Variants in LPP observed in about 807,000 individuals in gnomAD.
LPP encodes the protein lipoma-preferred partner.
LPP carries 38 observed loss-of-function variants against 60.4 expected under a neutral mutation model. That is an observed-to-expected ratio of 0.63 (90% CI 0.49 to 0.83). The LOEUF (loss-of-function observed/expected upper bound fraction) is 0.83. LPP is among the 40% of genes least tolerant of loss of function. The pLI is 0.00. For missense variants in LPP, 902 were observed against 783.6 expected (o/e 1.15, Z -1.80); for synonymous variants, 328 against 290.8 (o/e 1.13, Z -1.30).
chr3:188,855,136 TTAA>T (rs1427302800), intron 9 of LPP, among the ~76,000 whole-genome samples: 3 of 152,250 alleles, frequency 2.0e-5, no homozygotes, highest in African/African-American at 7.2e-5. Context: ...TGTTGTGTGA[TTAA>T]CTTCAGATCA....
intron 7 of LPP, among the ~76,000 whole-genome samples, chr3:188,684,536 C>A (rs906370543): frequency 1.3e-5 from 2 of 152,060 alleles, no homozygotes; most frequent in African/African-American, 4.8e-5. Context: ...AGCTAAAAAC[C>A]ACTTGGGAGA....
At chr3:188,538,460 T>C (rs1824241193) in intron 6 of LPP, among the ~76,000 whole-genome samples, 1 of 152,160 alleles carries the variant, frequency 6.6e-6, no homozygotes, top group African/African-American at 2.4e-5. Flanking sequence ...TATTTATTGA[T>C]CAAGGAAATG....
chr3:188,202,324 T>A (rs1731304338), intron 1 of LPP, among the ~76,000 whole-genome samples: 1 of 152,150 alleles, frequency 6.6e-6, no homozygotes, highest in Non-Finnish European at 1.5e-5. Context: ...GCATTTGGAC[T>A]TTTAGAGAAT....
intron 3 of LPP, among the ~76,000 whole-genome samples, chr3:188,345,921 A>G (rs961072124): frequency 2.7e-4 from 41 of 152,262 alleles, no homozygotes; most frequent in African/African-American, 9.4e-4. Context: ...TTAATTTGCT[A>G]TGAGTTTAGT....
chr3:188,422,520 T>A (rs1248502419), intron 4 of LPP, among the ~76,000 whole-genome samples: 1 of 152,130 alleles, frequency 6.6e-6, no homozygotes, highest in East Asian at 1.9e-4. Flanking sequence ...AAAATCCCAG[T>A]GAAGTTTGCA....
intron 2 of LPP, among the ~76,000 whole-genome samples, chr3:188,304,519 C>T (rs1750899473): frequency 6.6e-6 from 1 of 152,154 alleles, no homozygotes; most frequent in Admixed American, 6.6e-5. Context: ...CCCTTTAAAT[C>T]TCACAGCTTT....
intron 6 of LPP, among the ~76,000 whole-genome samples, chr3:188,569,298 G>A (rs1832954877): frequency 6.6e-6 from 1 of 151,862 alleles, no homozygotes; most frequent in Admixed American, 6.6e-5. Context: ...AGTCTGGGGG[G>A]AAGACAGGAG....
intron 7 of LPP, among the ~76,000 whole-genome samples, chr3:188,685,026 C>A (rs979858834): frequency 5.3e-5 from 8 of 152,166 alleles, no homozygotes; most frequent in African/African-American, 1.9e-4. Flanking sequence ...TTTCTTAACC[C>A]ATGTCATTGT....
chr3:188,885,466 A>G lies in LPP; in HGVS notation c.*10987A>G, dbSNP rs1770548949. On this transcript the variant is annotated 3_prime_UTR_variant, in exon 12 of 12. Transcript: ENST00000617246. Reference sequence around the variant, plus strand: ...AGAGTGGTGGCTTTGGTTGAGATGCACGTTCACAGACTAGAAAAGTGCCTC... The same window carrying G: ...AGAGTGGTGGCTTTGGTTGAGATGCGCGTTCACAGACTAGAAAAGTGCCTC... 1 of 186,590 alleles carries G rather than the reference A, an allele frequency of 5.4e-6. No individual in the cohort carries two copies. Among genetic ancestry groups the G allele is most frequent in the Non-Finnish European group, 1.1e-5 (1 of 88,174 alleles). The allele number at this position is 186,590 out of a possible 1,614,324, so 11.6% of individuals were successfully genotyped here.
At chr3:188,295,742 C>G (rs916489633) in intron 2 of LPP, among the ~76,000 whole-genome samples, 4 of 152,130 alleles carry the variant, frequency 2.6e-5, no homozygotes, top group Non-Finnish European at 4.4e-5. Flanking sequence ...CTATGTCGCC[C>G]AGCTTGGTGT....
intron 9 of LPP, among the ~76,000 whole-genome samples, chr3:188,775,916 T>G (rs531574218): frequency 2.8e-4 from 43 of 152,372 alleles, no homozygotes; most frequent in South Asian, 2.3e-3. Flanking sequence ...AGGAGAAGAT[T>G]GTCTCCACTT....
At chr3:188,820,726 AGTG>A (rs1477970955) in intron 9 of LPP, among the ~76,000 whole-genome samples, 2 of 152,210 alleles carry the variant, frequency 1.3e-5, no homozygotes, top group Non-Finnish European at 2.9e-5. Flanking sequence ...TTTCATTTTT[AGTG>A]TTCTTAAATA....
intron 7 of LPP, among the ~76,000 whole-genome samples, chr3:188,690,391 AT>A (rs1462782782): frequency 4.6e-5 from 7 of 152,192 alleles, no homozygotes; most frequent in African/African-American, 1.7e-4. Flanking sequence ...AGCAGAAAGT[AT>A]TTGTTGAAGC....
intron 9 of LPP, among the ~76,000 whole-genome samples, chr3:188,845,954 A>C (rs1761280410): frequency 6.6e-6 from 1 of 152,212 alleles, no homozygotes; most frequent in African/African-American, 2.4e-5. Context: ...TTCCCCTGTG[A>C]TGTCCAGTCT....
intron 7 of LPP, among the ~76,000 whole-genome samples, chr3:188,643,027 A>G (rs1278030621): frequency 6.6e-6 from 1 of 151,842 alleles, no homozygotes; most frequent in Non-Finnish European, 1.5e-5. Context: ...CCACTGAAAT[A>G]TTTTGCTCTA....
chr3:188,189,030 G>C (rs2148976489), intron 1 of LPP, among the ~76,000 whole-genome samples: 1 of 152,282 alleles, frequency 6.6e-6, no homozygotes, highest in Middle Eastern at 3.4e-3. Flanking sequence ...GTGATGATGA[G>C]ACACATACAT....
At chr3:188,295,875 G>A (rs138826162) in intron 2 of LPP, among the ~76,000 whole-genome samples, 25 of 152,286 alleles carry the variant, frequency 1.6e-4, no homozygotes, top group African/African-American at 5.3e-4. Flanking sequence ...CCCAGGGGCA[G>A]TGTAGGTGAA....
At chr3:188,289,672 G>A (rs985051622) in intron 2 of LPP, among the ~76,000 whole-genome samples, 1 of 152,180 alleles carries the variant, frequency 6.6e-6, no homozygotes, top group South Asian at 2.1e-4. Context: ...GGCAAAAAAC[G>A]AATAAGCAGG....
intron 6 of LPP, among the ~76,000 whole-genome samples, chr3:188,561,977 TA>T (rs1323580832): frequency 3.3e-5 from 5 of 151,976 alleles, no homozygotes; most frequent in Admixed American, 2.6e-4. Context: ...CAGTTGGCGT[TA>T]AGGTTGAGAA....
Sources: gnomAD v4.1 joint callset for allele counts (sites outside exome capture counted in the v4.1 genomes callset) on GRCh38, gnomAD v4.1.1 for gene constraint, MANE v1.5 for transcripts, NCBI Gene and HGNC (gene_info 2026-07-23, HGNC 2026-07-21) for gene names.